The following PPM1A variants were observed in gnomAD, a reference collection of about 807,000 sequenced individuals.
The protein encoded by PPM1A is protein phosphatase 1A.
A neutral mutation model predicts 35.0 loss-of-function variants in PPM1A; 7 were observed. The ratio of observed to expected loss-of-function variants is 0.20; its 90% CI spans 0.11 to 0.38. The LOEUF is 0.38. Ranked by LOEUF, PPM1A falls within the 10% of genes least tolerant of loss-of-function variation. PPM1A has a pLI of 1.00. For missense variants in PPM1A, 239 were observed against 467.8 expected, an observed-to-expected ratio of 0.51 and a Z score of 4.51; for synonymous variants, 153 against 167.3, an observed-to-expected ratio of 0.91 and a Z score of 0.66.
At chr14:60,277,725 A>C (rs893732891) in intron 1 of PPM1A, among the ~76,000 whole-genome samples, 12 of 152,170 alleles carry the variant, frequency 7.9e-5, no homozygotes, top group Non-Finnish European at 1.8e-4. Context: ...TTAGTAATTA[A>C]ACAGTGCCTG....
At position 60,295,488 on chromosome 14, in the gene PPM1A, TAAG is replaced by T. The variant is rs1887989572; in HGVS notation, c.*3009_*3011del. The T allele has an allele frequency of 6.6e-6, 1 of 151,740 alleles. No homozygotes were observed. The highest frequency in any genetic ancestry group is 6.6e-5 in the Admixed American group (1 of 15,218). 9.4% of individuals were successfully genotyped at this position (151,740 alleles called of 1,614,324 possible). ...TAATTTTTTATACTAATCTCAACAT[TAAG>T]AAATTTGGATTAAGTAATAAATTAG... On this transcript the variant is annotated 3_prime_UTR_variant, in exon 6 of 6. Transcript: ENST00000395076.
chr14:60,266,372 T>C (rs924471322), intron 1 of PPM1A, among the ~76,000 whole-genome samples: 1 of 152,190 alleles, frequency 6.6e-6, no homozygotes, highest in African/African-American at 2.4e-5. Context: ...GTTTCTTTTC[T>C]CTGGAGTCAC....
intron 1 of PPM1A, among the ~76,000 whole-genome samples, chr14:60,250,225 A>T (rs1882221936): frequency 6.6e-6 from 1 of 152,206 alleles, no homozygotes; most frequent in South Asian, 2.1e-4. Flanking sequence ...TTCAGAACTC[A>T]AGTCAGTGAG....
At chr14:60,271,931 G>T in intron 1 of PPM1A, among the ~76,000 whole-genome samples, 1 of 151,976 alleles carries the variant, frequency 6.6e-6, no homozygotes, top group East Asian at 1.9e-4. Flanking sequence ...AATCAAGGTT[G>T]CTTATTTATT....
rs13379396 is a variant in PPM1A at position 60,282,393 on chromosome 14, C to G, written c.-20-291C>G. On this transcript the variant is annotated intron_variant, in intron 1 of 5. Coordinates refer to ENST00000395076, the MANE Select transcript of PPM1A (RefSeq NM_021003.5). The surrounding 1 kb of genome is among the most constrained non-coding windows in gnomAD (Gnocchi z 5.1). The stretch of plus-strand genomic sequence containing the variant: ...GTTCATTGTATCATTAAACATTTAG[C>G]CTGGTTGGTTTAAGTTGATGGCCAC... Among the ~76,000 whole-genome samples the G allele has an allele frequency of 6.6e-6, 1 of 152,120 alleles. No individual in the cohort carries two copies. The highest frequency in any genetic ancestry group is 1.5e-5 in the Non-Finnish European group (1 of 68,036).
rs1201810697 is a variant in PPM1A, at chr14:60,273,409, G to A, written c.-20-9275G>A. On this transcript the variant is annotated intron_variant, in intron 1 of 5. Transcript: ENST00000395076. The surrounding 1 kb of genome is among the most constrained non-coding windows in gnomAD (Gnocchi z 4.3). Reference sequence around the variant, plus strand: ...CTAGGTACTGTAAGAAAACCCTTGTGGTTGGAGTAGAGAATGTAGGAGAAG... The same window carrying A: ...CTAGGTACTGTAAGAAAACCCTTGTAGTTGGAGTAGAGAATGTAGGAGAAG... Among the ~76,000 whole-genome samples, 1 of 152,110 alleles carries A rather than the reference G, an allele frequency of 6.6e-6. No homozygotes were observed. The highest frequency in any genetic ancestry group is 1.5e-5 in the Non-Finnish European group (1 of 68,018).
At position 60,293,538 on chromosome 14, in the gene PPM1A, C is replaced by T. The variant is rs1465498780; in HGVS notation, c.*1056C>T. On this transcript the variant is annotated 3_prime_UTR_variant, in exon 6 of 6. Transcript: ENST00000395076. This position sits in a 1 kb window ranked among gnomAD's most constrained non-coding sequence, Gnocchi z 4.0. The stretch of plus-strand genomic sequence containing the variant: ...TAAAAGATTTAATTCTTGGTTGTAC[C>T]TTAATCTATTTTTTAAATAGGTTTC... 6.6e-6 allele frequency: 1 copy of T among 151,880 alleles called. No homozygotes were observed. Among genetic ancestry groups the T allele is most frequent in the East Asian group, 1.9e-4 (1 of 5,186 alleles). The allele number at this position is 151,880 out of a possible 1,614,324, so 9.4% of individuals were successfully genotyped here.
rs1888012636 is a variant in PPM1A, at chr14:60,295,761, A to G, written c.*3279A>G. The stretch of plus-strand genomic sequence containing the variant: ...TTATAACTGGATCACTCATCAAAAA[A>G]TATATATATATATCTATTGCCCACC... On this transcript the variant is annotated 3_prime_UTR_variant, in exon 6 of 6. Coordinates refer to ENST00000395076, the MANE Select transcript of PPM1A (RefSeq NM_021003.5). 6.6e-6 allele frequency: 1 copy of G among 151,056 alleles called. No individual in the cohort carries two copies. Among genetic ancestry groups the G allele is most frequent in the African/African-American group, 2.4e-5 (1 of 41,246 alleles). 9.4% of individuals were successfully genotyped at this position (151,056 alleles called of 1,614,324 possible).
intron 1 of PPM1A, among the ~76,000 whole-genome samples, chr14:60,264,363 CT>C (rs1884133125): frequency 6.6e-6 from 1 of 151,416 alleles, no homozygotes; most frequent in Non-Finnish European, 1.5e-5. Context: ...GATTTCTTTT[CT>C]TTATTCTGTC....
rs1007606237 is a variant in PPM1A, at chr14:60,249,221, A to AGAGGCG, written c.-475_-470dup. The AGAGGCG allele has an allele frequency of 3.1e-6, 3 of 982,350 alleles. No homozygotes were observed. The African/African-American group carries it at 5.6e-5, about 18-fold the overall frequency. The allele number at this position is 982,350 out of a possible 1,614,324, so 60.9% of individuals were successfully genotyped here. On this transcript the variant is annotated 5_prime_UTR_variant, in exon 1 of 6. Coordinates refer to ENST00000395076, the MANE Select transcript of PPM1A (RefSeq NM_021003.5). The surrounding 1 kb of genome is among the most constrained non-coding windows in gnomAD (Gnocchi z 4.5). ...GAGCGCGCCTGCGCGGGGCCGCGCTAGAGGCGGCGGCGGCGGCGGTGGCGG... is the reference window on the plus strand; with the variant it reads ...GAGCGCGCCTGCGCGGGGCCGCGCTAGAGGCGGAGGCGGCGGCGGCGGCGGTGGCGG...
At chr14:60,268,356 T>TGAAATA in intron 1 of PPM1A, 1 of 975,678 alleles carries the variant, frequency 1.0e-6, no homozygotes, top group Non-Finnish European at 1.2e-6. Flanking sequence ...GAACTGTTAC[T>TGAAATA]TTCCTCCATA....
rs956531963 is a variant in PPM1A at position 60,256,058 on chromosome 14, A to G, written c.-21+6381A>G. 5.9e-5 allele frequency among the ~76,000 whole-genome samples: 9 copies of G among 152,192 alleles called. No individual in the cohort carries two copies. In the East Asian group the frequency reaches 1.3e-3, roughly 23 times the overall value. On this transcript the variant is annotated intron_variant, in intron 1 of 5. Transcript: ENST00000395076. ...CCAACAAGTATCTAATAATATGCAT[A>G]CTCTGTGTTCAAATAAACCTCTAAG... is the stretch of plus-strand genomic sequence containing the variant.
rs932858746 is a variant in PPM1A, at chr14:60,295,359, C to T, written c.*2877C>T. On this transcript the variant is annotated 3_prime_UTR_variant, in exon 6 of 6. Transcript: ENST00000395076. ...AATATTAGCATATACTTTAAAAAAT[C>T]AAAGTGATAACTTAATTCAGCTTTG... 1 of 151,552 alleles carries T rather than the reference C, an allele frequency of 6.6e-6. No homozygotes were observed. The highest frequency in any genetic ancestry group is 1.5e-5 in the Non-Finnish European group (1 of 67,662). 9.4% of individuals were successfully genotyped at this position (151,552 alleles called of 1,614,324 possible). A position where few individuals can be genotyped will look rare whatever the true frequency, so the allele number is the denominator to read the frequency against.
At chr14:60,262,803 A>T (rs1304127436) in intron 1 of PPM1A, among the ~76,000 whole-genome samples, 1 of 152,242 alleles carries the variant, frequency 6.6e-6, no homozygotes, top group African/African-American at 2.4e-5. Context: ...AGTATTTGTT[A>T]AACAAGACTA....
At chr14:60,285,505 C>A in intron 2 of PPM1A, 119 bp from the exon 3 acceptor site, 17 of 1,122,530 alleles carry the variant, frequency 1.5e-5, no homozygotes, top group Non-Finnish European at 1.9e-5. Flanking sequence ...TTTTTTTCTC[C>A]CTGAAAGTAA....
intron 1 of PPM1A, among the ~76,000 whole-genome samples, chr14:60,268,616 T>G (rs919814349): frequency 5.3e-5 from 8 of 151,986 alleles, no homozygotes; most frequent in Non-Finnish European, 8.8e-5. Context: ...GGTTGAATAT[T>G]TAGTATACTG....
At chr14:60,247,912 G>C (rs1456148952), upstream of PPM1A, among the ~76,000 whole-genome samples, 2 of 152,128 alleles carry the variant, frequency 1.3e-5, no homozygotes, top group African/African-American at 4.8e-5. Flanking sequence ...AACTCAATTT[G>C]GCCAGTAAAA....
chr14:60,295,845 A>T lies in PPM1A; in HGVS notation c.*3363A>T, dbSNP rs997648689. On this transcript the variant is annotated 3_prime_UTR_variant, in exon 6 of 6. Transcript: ENST00000395076. ...GGCCCCTGCCCTAAAGACCTTGTTT[A>T]TACTTCCTTTACTCACCTGAAAACT... 2 of 151,650 alleles carry T rather than the reference A, an allele frequency of 1.3e-5. No homozygotes were observed. Among genetic ancestry groups the T allele is most frequent in the Non-Finnish European group, 3.0e-5 (2 of 67,680 alleles). 9.4% of individuals were successfully genotyped at this position (151,650 alleles called of 1,614,324 possible). A position where few individuals can be genotyped will look rare whatever the true frequency, so the allele number is the denominator to read the frequency against.
intron 1 of PPM1A, chr14:60,256,908 A>T (rs1343599696): frequency 6.6e-6 from 1 of 152,226 alleles, no homozygotes; most frequent in African/African-American, 2.4e-5. Context: ...ATCTTTGTAC[A>T]TGAAGGGTAT....
Sources: allele counts gnomAD v4.1 joint callset (sites outside exome capture counted in the v4.1 genomes callset), GRCh38; gene constraint gnomAD v4.1.1; non-coding constraint Gnocchi (gnomAD v3.1); transcripts MANE v1.5; gene names NCBI Gene and HGNC (gene_info 2026-07-23, HGNC 2026-07-21).